Variants in FXR2 observed in about 807,000 individuals in gnomAD.
FXR2 encodes FMR1 autosomal homolog 2.
A neutral mutation model predicts 87.3 loss-of-function variants in FXR2; 9 were observed. The observed-to-expected ratio is 0.10, with a 90% CI of 0.06 to 0.18. FXR2 has a LOEUF of 0.18. FXR2 is among the 10% of genes least tolerant of loss of function. FXR2 has a pLI of 1.00. For missense variants in FXR2, 661 were observed against 893.6 expected (o/e 0.74, Z 3.32); for synonymous variants, 331 against 328.3 (o/e 1.01, Z -0.09).
chr17:7,595,832 A>T lies in FXR2; in HGVS notation c.823T>A (p.Tyr275Asn). 6.2e-7 allele frequency: 1 copy of T among 1,613,110 alleles called. No individual in the cohort carries two copies. The highest frequency in any genetic ancestry group is 8.5e-7 in the Non-Finnish European group (1 of 1,179,272). Residue 275 changes from tyrosine to asparagine, a missense_variant, in exon 8 of 17, where the codon TAT becomes AAT. Coordinates refer to ENST00000250113, the MANE Select transcript of FXR2 (RefSeq NM_004860.4). This position sits in a 1 kb window ranked among gnomAD's most constrained non-coding sequence, Gnocchi z 4.7. Reference sequence around the variant, plus strand: ...AGACATCCTTTGCTGACCTCCCCATAGATGCGGAAAGTGCAGGTCTCTTCA... The same window carrying T: ...AGACATCCTTTGCTGACCTCCCCATTGATGCGGAAAGTGCAGGTCTCTTCA... ...LGEETCTFRIYGETPEACRQA... is the reference protein window; with the variant it reads ...LGEETCTFRINGETPEACRQA...
intron 3 of FXR2, among the ~76,000 whole-genome samples, chr17:7,604,417 C>T (rs1443792581): frequency 2.0e-5 from 3 of 152,064 alleles, no homozygotes; most frequent in Admixed American, 2.0e-4. Context: ...AAAAAGAGGC[C>T]AAGCGCGGTG....
chr17:7,610,049 C>G (rs11655275), intron 1 of FXR2, among the ~76,000 whole-genome samples: 1 of 35,668 alleles, frequency 2.8e-5, no homozygotes, highest in Non-Finnish European at 5.5e-5. Flanking sequence ...TATATATATA[C>G]ACACACACAC....
rs954729023 is a variant in FXR2, at chr17:7,593,241, C to G, written c.1331-60G>C. On this transcript the variant is annotated intron_variant, in intron 12 of 16. Coordinates refer to ENST00000250113, the MANE Select transcript of FXR2 (RefSeq NM_004860.4). The surrounding 1 kb of genome is among the most constrained non-coding windows in gnomAD (Gnocchi z 6.1). ...CATCCCACCTCAGGATCCATCACATCCCCCAAACTGGAAGAATTCTCCTTC... is the reference window on the plus strand; with the variant it reads ...CATCCCACCTCAGGATCCATCACATGCCCCAAACTGGAAGAATTCTCCTTC... 1.2e-4 allele frequency: 168 copies of G among 1,345,646 alleles called. No individual in the cohort carries two copies. Among genetic ancestry groups the G allele is most frequent in the Non-Finnish European group, 1.7e-4 (165 of 995,434 alleles). 83.4% of individuals were successfully genotyped at this position (1,345,646 alleles called of 1,614,324 possible).
chr17:7,598,462 AAAC>A (rs918027402), intron 7 of FXR2, among the ~76,000 whole-genome samples: 2 of 151,502 alleles, frequency 1.3e-5, no homozygotes, highest in Non-Finnish European at 2.9e-5. Flanking sequence ...CTCAAAAACA[AAAC>A]AAAACAAAAC....
intron 1 of FXR2, among the ~76,000 whole-genome samples, chr17:7,613,618 A>G (rs2071897202): frequency 6.6e-6 from 1 of 152,204 alleles, no homozygotes; most frequent in Non-Finnish European, 1.5e-5. Flanking sequence ...AAATCTTAAG[A>G]TAAACAGAAG....
At position 7,604,051 on chromosome 17, in the gene FXR2, A is replaced by G. The variant is rs779852983; in HGVS notation, c.258T>C (p.Pro86=). The change falls in exon 4 of 17, where the codon CCT becomes CCC. Residue 86 remains proline (P), a synonymous_variant. Transcript: ENST00000250113. ...EVYSRANEQE[P]CGWWLARVRM... is the part of the protein sequence containing the mutation. ...GCACCCGGGCCAGCCACCAGCCACA[A>G]GGTTCCTGTTCATTGGCTCGAGAAT... 1.1e-4 allele frequency: 175 copies of G among 1,588,344 alleles called. No homozygotes were observed. The highest frequency in any genetic ancestry group is 1.4e-4 in the Non-Finnish European group (162 of 1,167,518).
rs559929746 is a variant in FXR2, at chr17:7,592,524, A to C, written c.1805T>G (p.Ile602Ser). Residue 602 changes from isoleucine (I) to serine (S), a missense_variant, in exon 15 of 17, where the codon ATC (isoleucine) becomes AGC (serine). Ile to Ser is a moderately radical substitution (Grantham distance 142). Coordinates refer to ENST00000250113, the MANE Select transcript of FXR2 (RefSeq NM_004860.4). The surrounding 1 kb of genome is among the most constrained non-coding windows in gnomAD (Gnocchi z 4.8). ...CTGACCTGGCTGGCGGTCTCCACTG[A>C]TAGAGCCATCAGTCCGATTACCACG... ...RNRGNRTDGS[I>S]SGDRQPVTVA... The C allele has an allele frequency of 6.2e-7, 1 of 1,613,940 alleles. No homozygotes were observed. Among genetic ancestry groups the C allele is most frequent in the South Asian group, 1.1e-5 (1 of 91,084 alleles).
rs373701020 is a variant in FXR2 at position 7,592,466 on chromosome 17, G to A, written c.1825+38C>T. ...CAGGGGTGAGCATCCCATTCTCTCA[G>A]CTCTGAGGAAGGATTCTGGTGTCCA... On this transcript the variant is annotated intron_variant, in intron 15 of 16. Coordinates refer to ENST00000250113, the MANE Select transcript of FXR2 (RefSeq NM_004860.4). This position sits in a 1 kb window ranked among gnomAD's most constrained non-coding sequence, Gnocchi z 4.8. 3.1e-6 allele frequency: 5 copies of A among 1,591,300 alleles called. No individual in the cohort carries two copies. In the African/African-American group the frequency reaches 6.7e-5, roughly 21 times the overall value.
At chr17:7,605,937 C>T in intron 2 of FXR2, 160 bp downstream of exon 2, 1 of 652,568 alleles carries the variant, frequency 1.5e-6, no homozygotes, top group Non-Finnish European at 2.7e-6. Flanking sequence ...CCACCCTCAC[C>T]AAATTCTCAG....
chr17:7,610,051 C>CTATACATGTATGTATATATAT (rs2071849934), intron 1 of FXR2, among the ~76,000 whole-genome samples: 1 of 104,700 alleles, frequency 9.6e-6, no homozygotes, highest in African/African-American at 3.6e-5. Flanking sequence ...TATATATACA[C>CTATACATGTATGTATATATAT]ACACACACAC....
intron 1 of FXR2, among the ~76,000 whole-genome samples, chr17:7,613,680 A>C (rs1179252174): frequency 1.3e-5 from 2 of 152,214 alleles, no homozygotes; most frequent in African/African-American, 2.4e-5. Context: ...ATGACTATGA[A>C]GCTTACATGC....
Position 7,594,754 on chromosome 17 carries a change from G to C in FXR2, c.835C>G (p.Pro279Ala). 1.2e-6 allele frequency: 2 copies of C among 1,602,756 alleles called. No homozygotes were observed. Among genetic ancestry groups the C allele is most frequent in the African/African-American group, 1.3e-5 (1 of 74,776 alleles). The change falls in exon 9 of 17, where the codon CCC (proline) becomes GCC (alanine). Residue 279 changes from proline to alanine, a missense_variant. Pro to Ala is a conservative substitution (Grantham distance 27, BLOSUM62 -1). Transcript: ENST00000250113. The surrounding 1 kb of genome is among the most constrained non-coding windows in gnomAD (Gnocchi z 5.1). ...TCTFRIYGET[P>A]EACRQARSYL... The stretch of plus-strand genomic sequence containing the variant: ...CTTCGGGCCTGTCGGCAAGCCTCGG[G>C]AGTCTAAAGGAAGAACAGCAGGGAG...
intron 1 of FXR2, among the ~76,000 whole-genome samples, chr17:7,608,037 C>T (rs1474148078): frequency 9.9e-5 from 15 of 151,412 alleles, no homozygotes; most frequent in Non-Finnish European, 8.8e-5. Flanking sequence ...GTGATCCACC[C>T]GCCTCAGCCT....
At position 7,591,800 on chromosome 17, in the gene FXR2, T is replaced by C; in HGVS notation, c.*30A>G. The C allele has an allele frequency of 8.8e-7, 1 of 1,141,910 alleles. No individual in the cohort carries two copies. The highest frequency in any genetic ancestry group is 1.3e-6 in the Non-Finnish European group (1 of 748,966). The allele number at this position is 1,141,910 out of a possible 1,614,324, so 70.7% of individuals were successfully genotyped here. ...CCATGGTGTTGGGCAGCAAGCGAGA[T>C]GGAGAAGGGAGGGGTGCAGGTTGGA... On this transcript the variant is annotated 3_prime_UTR_variant, in exon 17 of 17. Coordinates refer to ENST00000250113, the MANE Select transcript of FXR2 (RefSeq NM_004860.4). This position sits in a 1 kb window ranked among gnomAD's most constrained non-coding sequence, Gnocchi z 4.0.
rs748679108 is a variant in FXR2, at chr17:7,605,651, T to G, written c.222A>C (p.Glu74Asp). The G allele has an allele frequency of 1.3e-6, 2 of 1,517,530 alleles. No homozygotes were observed. Among genetic ancestry groups the G allele is most frequent in the Non-Finnish European group, 1.8e-6 (2 of 1,093,632 alleles). The allele number at this position is 1,517,530 out of a possible 1,614,324, so 94.0% of individuals were successfully genotyped here. A position where few individuals can be genotyped will look rare whatever the true frequency, so the allele number is the denominator to read the frequency against. ...TGTACTCCACAGCCCTTACCTCCACTTCATCCCCTTCTGTGATCTCCTTAT... is the reference window on the plus strand; with the variant it reads ...TGTACTCCACAGCCCTTACCTCCACGTCATCCCCTTCTGTGATCTCCTTAT... ...DYNKEITEGDEVEVYSRANEQ... is the reference protein window; with the variant it reads ...DYNKEITEGDDVEVYSRANEQ... The change falls in exon 3 of 17, where the codon GAA (glutamate) becomes GAC (aspartate). Residue 74 changes from glutamate to aspartate, a missense_variant. By Grantham distance (45) the Glu-to-Asp change is conservative. This residue lies in a region of FXR2 where 170 missense variants were observed against 247.2 expected (regional missense o/e 0.69). Transcript: ENST00000250113.
chr17:7,614,117 T>C (rs1469107960), intron 1 of FXR2: 3 of 553,736 alleles, frequency 5.4e-6, no homozygotes, highest in African/African-American at 1.9e-5. Flanking sequence ...CTAAGGTATG[T>C]CTTCCACCAG....
intron 1 of FXR2, among the ~76,000 whole-genome samples, chr17:7,609,871 T>C (rs1237928409): frequency 1.3e-5 from 2 of 149,804 alleles, no homozygotes; most frequent in African/African-American, 2.4e-5. Flanking sequence ...CTACTATATA[T>C]ATATGTATAC....
chr17:7,604,191 G>A (rs1192277931), intron 3 of FXR2, 111 bp from the exon 4 acceptor site: 2 of 792,802 alleles, frequency 2.5e-6, no homozygotes, highest in Non-Finnish European at 4.3e-6. Context: ...CAGCGCTTTG[G>A]GAGGCTGAGG....
chr17:7,602,975 C>T lies in FXR2; in HGVS notation c.477G>A (p.Glu159=), dbSNP rs767184041. 2 of 1,589,146 alleles carry T rather than the reference C, an allele frequency of 1.3e-6. No homozygotes were observed. Among genetic ancestry groups the T allele is most frequent in the Non-Finnish European group, 1.7e-6 (2 of 1,158,992 alleles). Residue 159 remains glutamate, a synonymous_variant, in exon 6 of 17, where the codon GAG becomes GAA. Transcript: ENST00000250113. ...AGTTGGCTCCCAGGGCTTTCTTGAA[C>T]TCTTTATGGACGTTTTCATTGGAGC... ...EACSNENVHK[E]FKKALGANCI...
Sources: allele counts gnomAD v4.1 joint callset (sites outside exome capture counted in the v4.1 genomes callset), GRCh38; gene constraint gnomAD v4.1.1; regional missense constraint gnomAD v4.1.1; non-coding constraint Gnocchi (gnomAD v3.1); transcripts MANE v1.5; gene names NCBI Gene and HGNC (gene_info 2026-07-23, HGNC 2026-07-21).